Variants in RAB3IL1 observed in about 807,000 individuals in gnomAD.
RAB3IL1 encodes RAB3A interacting protein like 1, also known as guanine nucleotide exchange factor for Rab-3A.
RAB3IL1 carries 37 observed loss-of-function variants against 49.2 expected under a neutral mutation model. The observed-to-expected ratio is 0.75, with a 90% confidence interval of 0.58 to 0.99. RAB3IL1 has a LOEUF of 0.99. Ranked by LOEUF, RAB3IL1 falls within the 50% of genes least tolerant of loss-of-function variation. The pLI, the probability that RAB3IL1 is intolerant of heterozygous loss-of-function variation, is 0.00. For missense variants in RAB3IL1, 484 were observed against 513.0 expected, an observed-to-expected ratio of 0.94 and a Z score of 0.55; for synonymous variants, 193 against 213.9, an observed-to-expected ratio of 0.90 and a Z score of 0.85.
intron 1 of RAB3IL1, among the ~76,000 whole-genome samples, 160 bp downstream of exon 1, chr11:61,917,197 A>G (rs1404836236): frequency 1.3e-5 from 2 of 151,218 alleles, no homozygotes; most frequent in Non-Finnish European, 3.0e-5. Flanking sequence ...CCTCCCCCGG[A>G]GTCTCCTGGC....
At chr11:61,920,518 G>A (rs989366592), upstream of RAB3IL1, among the ~76,000 whole-genome samples, 2 of 152,208 alleles carry the variant, frequency 1.3e-5, no homozygotes, top group African/African-American at 2.4e-5. Flanking sequence ...ACGCAGGCTG[G>A]GGTGTTGGAA....
chr11:61,910,861 C>A (rs1281315880), intron 1 of RAB3IL1, among the ~76,000 whole-genome samples: 1 of 152,244 alleles, frequency 6.6e-6, no homozygotes, highest in Non-Finnish European at 1.5e-5. Flanking sequence ...GGGGGCTGCT[C>A]ACTGCAGGCC....
At position 61,913,229 on chromosome 11, in the gene RAB3IL1, G is replaced by A. The variant is rs146782378; in HGVS notation, c.11+4128C>T. Reference sequence around the variant, plus strand: ...GACGAGAGTGTTGGACACCAGAGCCGAAGAGTGTCTGGGACCCGGGGATGA... The same window carrying A: ...GACGAGAGTGTTGGACACCAGAGCCAAAGAGTGTCTGGGACCCGGGGATGA... On this transcript the variant is annotated intron_variant, in intron 1 of 9. Coordinates refer to ENST00000394836, the MANE Select transcript of RAB3IL1 (RefSeq NM_013401.4). Among the ~76,000 whole-genome samples the A allele has an allele frequency of 1.8e-4, 27 of 152,234 alleles. No individual in the cohort carries two copies. In the East Asian group the frequency reaches 2.9e-3, roughly 16 times the overall value.
rs1938702088 is a variant in RAB3IL1, at chr11:61,898,057, C to T, written c.*221G>A. 1.8e-6 allele frequency: 1 copy of T among 544,664 alleles called. No homozygotes were observed. Among genetic ancestry groups the T allele is most frequent in the African/African-American group, 1.9e-5 (1 of 51,694 alleles). The allele number at this position is 544,664 out of a possible 1,614,324, so 33.7% of individuals were successfully genotyped here. A position where few individuals can be genotyped will look rare whatever the true frequency, so the allele number is the denominator to read the frequency against. On this transcript the variant is annotated 3_prime_UTR_variant, in exon 10 of 10. Transcript: ENST00000394836. This position sits in a 1 kb window ranked among gnomAD's most constrained non-coding sequence, Gnocchi z 5.1. ...TGAAATCCTCCTGGTGGTGGCAGAACCCAGTGGGGAAGAGAGGGGGGTCTT... is the reference window on the plus strand; with the variant it reads ...TGAAATCCTCCTGGTGGTGGCAGAATCCAGTGGGGAAGAGAGGGGGGTCTT...
chr11:61,921,641 G>A (rs1490994197), upstream of RAB3IL1, among the ~76,000 whole-genome samples: 2 of 152,112 alleles, frequency 1.3e-5, no homozygotes, highest in Non-Finnish European at 2.9e-5. Context: ...CAAGAACTGA[G>A]TGGCCCTCTG....
chr11:61,907,658 C>T lies in RAB3IL1; in HGVS notation c.267G>A (p.Glu89=). The change falls in exon 3 of 10, where the codon GAG becomes GAA. Residue 89 remains glutamate, a splice_region_variant and synonymous_variant. Transcript: ENST00000394836. ...CACATTCCTCGTCCTTTAGCTTCAG[C>T]TCCTGGAGGAAAAGAGGCAGGCACT... is the stretch of plus-strand genomic sequence containing the variant. ...LKEELHRAQK[E]LKLKDEECER... is the part of the protein sequence containing the mutation. 6.2e-7 allele frequency: 1 copy of T among 1,613,976 alleles called. No individual in the cohort carries two copies. The highest frequency in any genetic ancestry group is 8.5e-7 in the Non-Finnish European group (1 of 1,179,982).
chr11:61,940,437 C>T, the RAB3IL1 span, among the ~76,000 whole-genome samples: 55 of 145,890 alleles, frequency 3.8e-4, no homozygotes, highest in African/African-American at 1.3e-3. Context: ...GGTGAAACTC[C>T]GTCTCAAAAA....
upstream of RAB3IL1, chr11:61,920,083 A>G: frequency 7.7e-7 from 1 of 1,303,938 alleles, no homozygotes; most frequent in Non-Finnish European, 9.8e-7. Context: ...CCCCTCAAGT[A>G]CAGGGCACAG....
intron 7 of RAB3IL1, among the ~76,000 whole-genome samples, chr11:61,903,040 C>T (rs1296604176): frequency 1.3e-5 from 2 of 152,130 alleles, no homozygotes; most frequent in Admixed American, 1.3e-4. Flanking sequence ...AGCCTTCTCC[C>T]ATGCCCTCTT....
intron 4 of RAB3IL1, among the ~76,000 whole-genome samples, chr11:61,907,181 G>A (rs971148276): frequency 6.6e-6 from 1 of 152,234 alleles, no homozygotes; most frequent in African/African-American, 2.4e-5. Flanking sequence ...GCTCTGCCAT[G>A]CAGCAGAATC....
chr11:61,932,023 A>G, the RAB3IL1 span, among the ~76,000 whole-genome samples: 3 of 152,254 alleles, frequency 2.0e-5, no homozygotes, highest in East Asian at 1.9e-4. Context: ...AGGCTGAGGC[A>G]GGCAGATCAC....
chr11:61,942,617 C>T, the RAB3IL1 span, among the ~76,000 whole-genome samples: 1 of 152,084 alleles, frequency 6.6e-6, no homozygotes, highest in African/African-American at 2.4e-5. Flanking sequence ...AAAGAATCCA[C>T]ACAAAAACTA....
In RAB3IL1 at chr11:61,898,097, G is replaced by A; in HGVS notation, c.*181C>T. ...AGGGGGGTCTTGCCGTGAAGTCCAGGCCCGTCTGTCCCAGGATGGACGTGT... is the reference window on the plus strand; with the variant it reads ...AGGGGGGTCTTGCCGTGAAGTCCAGACCCGTCTGTCCCAGGATGGACGTGT... On this transcript the variant is annotated 3_prime_UTR_variant, in exon 10 of 10. Transcript: ENST00000394836. This position sits in a 1 kb window ranked among gnomAD's most constrained non-coding sequence, Gnocchi z 5.1. 1 of 632,290 alleles carries A rather than the reference G, an allele frequency of 1.6e-6. No individual in the cohort carries two copies. Among genetic ancestry groups the A allele is most frequent in the Non-Finnish European group, 2.8e-6 (1 of 355,900 alleles). 39.2% of individuals were successfully genotyped at this position (632,290 alleles called of 1,614,324 possible).
chr11:61,921,436 C>T (rs1207064571), upstream of RAB3IL1, among the ~76,000 whole-genome samples: 2 of 152,178 alleles, frequency 1.3e-5, no homozygotes, highest in Non-Finnish European at 2.9e-5. Context: ...CTCTTCTTTC[C>T]ACATACTATC....
In RAB3IL1 at chr11:61,908,089, C is replaced by T. The variant is rs1247487355; in HGVS notation, c.229G>A (p.Glu77Lys). The change falls in exon 2 of 10, where the codon GAG (glutamate) becomes AAG (lysine). Residue 77 changes from glutamate (E) to lysine (K), a missense_variant. Transcript: ENST00000394836. ...CTGTGCAGCTCCTCCTTCAGGAACT[C>T]GGAGCCCTTCTCTCGGATCTCCATG... ...SSMEIREKGS[E>K]FLKEELHRAQ... The T allele has an allele frequency of 3.7e-6, 6 of 1,611,264 alleles. No individual in the cohort carries two copies. Among genetic ancestry groups the T allele is most frequent in the Non-Finnish European group, 4.2e-6 (5 of 1,179,422 alleles).
chr11:61,928,358 CA>C, the RAB3IL1 span, among the ~76,000 whole-genome samples: 2 of 152,056 alleles, frequency 1.3e-5, no homozygotes, highest in African/African-American at 4.8e-5. Flanking sequence ...CCTCCAAATA[CA>C]TGGAGCTAGG....
At chr11:61,914,428 G>C (rs549227270) in intron 1 of RAB3IL1, among the ~76,000 whole-genome samples, 1 of 152,348 alleles carries the variant, frequency 6.6e-6, no homozygotes, top group South Asian at 2.1e-4. Flanking sequence ...GGCTTCTGCT[G>C]ACCAAGTCCC....
the RAB3IL1 span, among the ~76,000 whole-genome samples, chr11:61,930,399 A>G: frequency 6.6e-6 from 1 of 152,226 alleles, no homozygotes; most frequent in Non-Finnish European, 1.5e-5. Flanking sequence ...TTAAAAAGGC[A>G]TATTTGACCA....
chr11:61,901,993 C>T (rs1419323010), intron 8 of RAB3IL1, among the ~76,000 whole-genome samples: 1 of 152,204 alleles, frequency 6.6e-6, no homozygotes, highest in Non-Finnish European at 1.5e-5. Flanking sequence ...GTCTCTGCGC[C>T]TCTCTGAGCC....
Sources: allele counts gnomAD v4.1 joint callset (sites outside exome capture counted in the v4.1 genomes callset), GRCh38; gene constraint gnomAD v4.1.1; non-coding constraint Gnocchi (gnomAD v3.1); transcripts MANE v1.5; gene names NCBI Gene and HGNC (gene_info 2026-07-23, HGNC 2026-07-21).